SIRPB1: variants seen among roughly 807,000 people sequenced by gnomAD.
The protein encoded by SIRPB1 is signal regulatory protein beta 1.
In SIRPB1, 28 loss-of-function variants were observed where a neutral mutation model predicts 34.1. The observed-to-expected ratio is 0.82, with a 90% CI of 0.61 to 1.12. The LOEUF is 1.12. Ranked by LOEUF, SIRPB1 falls within the 50% of genes most tolerant of loss-of-function variation. SIRPB1 has a pLI of 0.00. For synonymous variants in SIRPB1, 211 were observed against 203.8 expected (o/e 1.04, Z -0.30); for missense variants, 499 against 507.0 (o/e 0.98, Z 0.15).
chr20:1,611,115 G>A (rs1163843046), intron 1 of SIRPB1, among the ~76,000 whole-genome samples: 1 of 72,738 alleles, frequency 1.4e-5, no homozygotes, highest in Non-Finnish European at 2.6e-5. Context: ...AAACACAAGA[G>A]CTGTAGAGCC....
chr20:1,591,857 C>A, intron 1 of SIRPB1: 1 of 49,298 alleles, frequency 2.0e-5, no homozygotes. Context: ...TCTGTGTCCC[C>A]ACCCAAATCT....
At position 1,613,858 on chromosome 20, in the gene SIRPB1, T is replaced by A. The variant is rs73570858; in HGVS notation, c.76+6011A>T. On this transcript the variant is annotated intron_variant, in intron 1 of 5. Coordinates refer to ENST00000381605, the MANE Select transcript of SIRPB1 (RefSeq NM_006065.5). ...TGGACAAAAACCTTCACAGACTAGA[T>A]AAAATACAGGAATCTACCTATTAAG... Among the ~76,000 whole-genome samples, 360 of 152,236 alleles carry A rather than the reference T, an allele frequency of 2.4e-3. 2 individuals are homozygous for A. Among genetic ancestry groups the A allele is most frequent in the African/African-American group, 8.1e-3 (338 of 41,554 alleles).
intron 4 of SIRPB1, among the ~76,000 whole-genome samples, chr20:1,568,476 G>T (rs2091175208): frequency 1.2e-4 from 18 of 152,226 alleles, no homozygotes; most frequent in Admixed American, 1.2e-3. Flanking sequence ...GTGGTTGGAA[G>T]TCTAAGAAAA....
chr20:1,576,986 G>A (rs946665982), intron 2 of SIRPB1, among the ~76,000 whole-genome samples: 3 of 148,284 alleles, frequency 2.0e-5, no homozygotes, highest in African/African-American at 7.3e-5. Flanking sequence ...ACAGAAGACT[G>A]TAAAATAAAT....
At chr20:1,565,561 A>T (rs2253815) in intron 5 of SIRPB1, 64 bp from the exon 6 acceptor site, 1 of 148,080 alleles carries the variant, frequency 6.8e-6, no homozygotes, top group African/African-American at 2.6e-5. Context: ...TCATCTGCTC[A>T]TCATTTAAGA....
chr20:1,570,177 A>G (rs779255016), intron 4 of SIRPB1, among the ~76,000 whole-genome samples: 3 of 152,242 alleles, frequency 2.0e-5, no homozygotes, highest in Non-Finnish European at 4.4e-5. Context: ...TGTTTGAAGC[A>G]GGAAAGGAGA....
Position 1,583,192 on chromosome 20 carries a change from T to G in SIRPB1, c.77-4498A>C, listed in dbSNP as rs952067957. 1.6e-4 allele frequency among the ~76,000 whole-genome samples: 8 copies of G among 48,928 alleles called. 4 individuals are homozygous for G. The East Asian group carries it at 3.4e-3, about 21-fold the overall frequency. 32.1% of individuals were successfully genotyped at this position (48,928 alleles called of 152,430 possible). On this transcript the variant is annotated intron_variant, in intron 1 of 5. Coordinates refer to ENST00000381605, the MANE Select transcript of SIRPB1 (RefSeq NM_006065.5). ...CCTCCCTGCCCTCATGAGCAGCATC[T>G]GCGGAAATTTCATGGAATAAGATCA...
intron 2 of SIRPB1, among the ~76,000 whole-genome samples, chr20:1,572,444 G>A (rs1015512469): frequency 1.3e-5 from 2 of 151,586 alleles, no homozygotes; most frequent in African/African-American, 4.8e-5. Flanking sequence ...CAATGGCAAA[G>A]TGGCACCACC....
rs60912313 is a variant in SIRPB1, at chr20:1,583,848, TTAC to T, written c.77-5157_77-5155del. ...GTTGAAGACTGTAGTAAGGGAAGTCTTACTACTACTACTACTACTACTACTACT... is the reference window on the plus strand; with the variant it reads ...GTTGAAGACTGTAGTAAGGGAAGTCTTACTACTACTACTACTACTACTACT... On this transcript the variant is annotated intron_variant, in intron 1 of 5. Coordinates refer to ENST00000381605, the MANE Select transcript of SIRPB1 (RefSeq NM_006065.5). Among the ~76,000 whole-genome samples, 140 of 32,564 alleles carry T rather than the reference TTAC, an allele frequency of 4.3e-3. 56 individuals are homozygous for T. Among genetic ancestry groups the T allele is most frequent in the East Asian group, 0.013 (14 of 1,088 alleles). The allele number at this position is 32,564 out of a possible 152,430, so 21.4% of individuals were successfully genotyped here. A position where few individuals can be genotyped will look rare whatever the true frequency, so the allele number is the denominator to read the frequency against.
intron 4 of SIRPB1, among the ~76,000 whole-genome samples, chr20:1,567,573 A>G (rs918573888): frequency 6.6e-6 from 1 of 152,122 alleles, no homozygotes; most frequent in African/African-American, 2.4e-5. Context: ...TCTAAAATAT[A>G]AGTTGGGAAT....
At chr20:1,614,745 G>A (rs902235833) in intron 1 of SIRPB1, among the ~76,000 whole-genome samples, 3 of 151,992 alleles carry the variant, frequency 2.0e-5, no homozygotes, top group African/African-American at 7.3e-5. Flanking sequence ...ATTTTCAATA[G>A]TAATGGCAAT....
rs201140189 is a variant in SIRPB1 at position 1,578,384 on chromosome 20, G to A, written c.387C>T (p.Asp129=). The A allele has an allele frequency of 7.6e-5, 121 of 1,585,712 alleles. 9 individuals are homozygous for A. Among genetic ancestry groups the A allele is most frequent in the Admixed American group, 3.0e-4 (18 of 59,226 alleles). The change falls in exon 2 of 6, where the codon GAC becomes GAT. Residue 129 remains aspartate, a synonymous_variant. Transcript: ENST00000381605. ...YCVKFRKGSP[D]DVEFKSGAGT... is the part of the protein sequence containing the mutation. ...CTGCTCCAGACTTAAACTCCACGTC[G>A]TCAGGGCTCCCTTTCCGGAACTTCA... is the stretch of plus-strand genomic sequence containing the variant.
intron 4 of SIRPB1, among the ~76,000 whole-genome samples, chr20:1,567,331 A>G (rs1244182362): frequency 6.6e-6 from 1 of 152,014 alleles, no homozygotes; most frequent in Non-Finnish European, 1.5e-5. Flanking sequence ...CTTCCCCTCA[A>G]TTTGAAAAAA....
Position 1,578,256 on chromosome 20 carries a change from G to T in SIRPB1, c.433+82C>A. On this transcript the variant is annotated intron_variant, in intron 2 of 5. Transcript: ENST00000381605. ...GGCTGCTCAGCCACCACCACACCTG[G>T]CTGTTGCTCCAAGAATGGATAATGT... 2.1e-6 allele frequency: 3 copies of T among 1,428,340 alleles called. 1 individual carries two copies. The highest frequency in any genetic ancestry group is 2.9e-6 in the Non-Finnish European group (3 of 1,020,464). The allele number at this position is 1,428,340 out of a possible 1,614,324, so 88.5% of individuals were successfully genotyped here. A position where few individuals can be genotyped will look rare whatever the true frequency, so the allele number is the denominator to read the frequency against.
intron 2 of SIRPB1, among the ~76,000 whole-genome samples, chr20:1,576,586 CA>C (rs2091313283): frequency 6.7e-6 from 1 of 148,216 alleles, no homozygotes; most frequent in Admixed American, 6.7e-5. Flanking sequence ...ATGCTAGAGC[CA>C]GATGTTAAAA....
intron 5 of SIRPB1, 130 bp downstream of exon 5, chr20:1,566,023 C>T (rs1477155941): frequency 2.6e-5 from 16 of 616,280 alleles, no homozygotes; most frequent in Admixed American, 2.2e-4. Context: ...TCCTGAGTAT[C>T]CTGAGGGAGC....
Position 1,597,796 on chromosome 20 carries a change from G to A in SIRPB1, c.77-19102C>T. On this transcript the variant is annotated intron_variant, in intron 1 of 5. Transcript: ENST00000381605. ...TCAACAAGGCTGGGTAATTGGGTAGGCAGGAATCCAGAAGGCAGAATAACT... is the reference window on the plus strand; with the variant it reads ...TCAACAAGGCTGGGTAATTGGGTAGACAGGAATCCAGAAGGCAGAATAACT... 5.4e-6 allele frequency: 2 copies of A among 367,732 alleles called. 1 individual carries two copies. The allele number at this position is 367,732 out of a possible 1,614,324, so 22.8% of individuals were successfully genotyped here.
At chr20:1,573,781 G>C (rs1481308020) in intron 2 of SIRPB1, among the ~76,000 whole-genome samples, 2 of 146,320 alleles carry the variant, frequency 1.4e-5, no homozygotes, top group East Asian at 1.9e-4. Context: ...TGGTGGCCAA[G>C]GGCCAAAAGT....
At position 1,603,254 on chromosome 20, in the gene SIRPB1, G is replaced by A. The variant is rs1378839350; in HGVS notation, c.76+16615C>T. 8 of 162,866 alleles carry A rather than the reference G, an allele frequency of 4.9e-5. 3 individuals are homozygous for A. Among genetic ancestry groups the A allele is most frequent in the African/African-American group, 2.2e-4 (2 of 9,058 alleles). The allele number at this position is 162,866 out of a possible 1,614,324, so 10.1% of individuals were successfully genotyped here. Reference sequence around the variant, plus strand: ...GGAGATCATAGATGAACAGAAACTTGCACATAATAAATCTGCAGAGAGCCA... The same window carrying A: ...GGAGATCATAGATGAACAGAAACTTACACATAATAAATCTGCAGAGAGCCA... On this transcript the variant is annotated intron_variant, in intron 1 of 5. Transcript: ENST00000381605.
Sources: allele counts gnomAD v4.1 joint callset (sites outside exome capture counted in the v4.1 genomes callset), GRCh38; gene constraint gnomAD v4.1.1; transcripts MANE v1.5; gene names NCBI Gene and HGNC (gene_info 2026-07-23, HGNC 2026-07-21).